Variants in MACROD2 observed in about 807,000 individuals in gnomAD.
The protein encoded by MACROD2 is mono-ADP ribosylhydrolase 2.
MACROD2 carries 36 observed loss-of-function variants against 70.4 expected under a neutral mutation model. The ratio of observed to expected loss-of-function variants is 0.51; its 90% confidence interval spans 0.39 to 0.68. The LOEUF (loss-of-function observed/expected upper bound fraction) is 0.68, where lower values mean the gene tolerates loss of function less well. Among genes scored for constraint, MACROD2 ranks in the 30% least tolerant of loss-of-function variants. MACROD2 has a pLI of 0.00. For missense variants in MACROD2, 496 were observed against 538.4 expected, an observed-to-expected ratio of 0.92 and a Z score of 0.78; for synonymous variants, 172 against 178.8, an observed-to-expected ratio of 0.96 and a Z score of 0.30.
intron 5 of MACROD2, among the ~76,000 whole-genome samples, chr20:15,060,743 A>G (rs1366586129): frequency 6.6e-6 from 1 of 152,230 alleles, no homozygotes; most frequent in Non-Finnish European, 1.5e-5. Context: ...GCTGCCATCA[A>G]AGTGTCTAGC....
intron 7 of MACROD2, among the ~76,000 whole-genome samples, chr20:15,484,008 G>C (rs1240388903): frequency 6.6e-6 from 1 of 150,940 alleles, no homozygotes; most frequent in Non-Finnish European, 1.5e-5. Context: ...TATGGATAAA[G>C]ACAATTTTAC....
rs6135366 is a variant in MACROD2, at chr20:15,222,816, T to C, written c.419-7124T>C. ...TTTGTTTTAAAATTCATTATGCTAA[T>C]ATTTTTTCACAGAATGTTTTTGCTG... On this transcript the variant is annotated intron_variant, in intron 5 of 17. Coordinates refer to ENST00000684519, the MANE Select transcript of MACROD2 (RefSeq NM_001351661.2). 8.6e-3 allele frequency among the ~76,000 whole-genome samples: 1,306 copies of C among 152,362 alleles called. 20 individuals are homozygous for C. Among genetic ancestry groups the C allele is most frequent in the East Asian group, 0.069 (360 of 5,186 alleles).
intron 3 of MACROD2, chr20:14,323,472 G>A (rs541626942): frequency 2.6e-5 from 4 of 152,042 alleles, no homozygotes; most frequent in Non-Finnish European, 5.9e-5. Flanking sequence ...TTGACCTTTT[G>A]TTTTTTTATG....
At chr20:14,753,867 A>G (rs1568776626) in intron 5 of MACROD2, among the ~76,000 whole-genome samples, 1 of 152,074 alleles carries the variant, frequency 6.6e-6, no homozygotes, top group South Asian at 2.1e-4. Flanking sequence ...ACAAATATAT[A>G]TATATATCCA....
chr20:15,854,534 A>G (rs1364607174), intron 8 of MACROD2, among the ~76,000 whole-genome samples: 1 of 152,286 alleles, frequency 6.6e-6, no homozygotes, highest in Non-Finnish European at 1.5e-5. Context: ...AAAGCAGAGG[A>G]CCCAACTAGG....
chr20:14,896,599 C>T (rs919875531), intron 5 of MACROD2, among the ~76,000 whole-genome samples: 14 of 151,528 alleles, frequency 9.2e-5, no homozygotes, highest in Admixed American at 2.6e-4. Context: ...CCTGAGGAAA[C>T]AGAGCCTAAG....
chr20:15,747,414 G>A (rs968797728), intron 8 of MACROD2, among the ~76,000 whole-genome samples: 13 of 152,158 alleles, frequency 8.5e-5, no homozygotes, highest in African/African-American at 9.6e-5. Context: ...AGGCTTGAAG[G>A]ATCACACATA....
At chr20:14,716,094 A>T (rs992274093) in intron 5 of MACROD2, among the ~76,000 whole-genome samples, 1 of 152,224 alleles carries the variant, frequency 6.6e-6, no homozygotes, top group African/African-American at 2.4e-5. Flanking sequence ...CTCTGTAATG[A>T]TATGAAGGCG....
intron 8 of MACROD2, among the ~76,000 whole-genome samples, chr20:15,531,988 A>G (rs1450918805): frequency 6.6e-6 from 1 of 152,188 alleles, no homozygotes; most frequent in African/African-American, 2.4e-5. Context: ...ATAAATCACT[A>G]TAACTAACAT....
chr20:14,075,397 G>A (rs192871801), intron 2 of MACROD2, among the ~76,000 whole-genome samples: 1 of 152,320 alleles, frequency 6.6e-6, no homozygotes, highest in East Asian at 1.9e-4. Context: ...AATACTATCT[G>A]CGGTTTCAGG....
rs1211049702 is a variant in MACROD2 at position 14,084,061 on chromosome 20, C to CAAAAAAAAAAAA, written c.164-1551_164-1550insAAAAAAAAAAAA. 5.0e-5 allele frequency among the ~76,000 whole-genome samples: 3 copies of CAAAAAAAAAAAA among 59,854 alleles called. 1 individual carries two copies. Among genetic ancestry groups the CAAAAAAAAAAAA allele is most frequent in the Non-Finnish European group, 8.3e-5 (3 of 35,970 alleles). 39.3% of individuals were successfully genotyped at this position (59,854 alleles called of 152,430 possible). A position where few individuals can be genotyped will look rare whatever the true frequency, so the allele number is the denominator to read the frequency against. On this transcript the variant is annotated intron_variant, in intron 2 of 17. Coordinates refer to ENST00000684519, the MANE Select transcript of MACROD2 (RefSeq NM_001351661.2). ...TGGGCGTCAGAGCGAGACTCCGTCT[C>CAAAAAAAAAAAA]AAAAAAAAACAAAAAACAAACAAAA...
chr20:15,893,131 A>G (rs4387866), intron 10 of MACROD2: 27,075 of 399,822 alleles, frequency 0.068, 1,317 homozygotes, highest in East Asian at 0.19. Flanking sequence ...AATATCACAG[A>G]GAAATTCTTT....
intron 16 of MACROD2, among the ~76,000 whole-genome samples, chr20:16,041,546 A>T (rs1344101089): frequency 6.6e-6 from 1 of 151,982 alleles, no homozygotes; most frequent in East Asian, 1.9e-4. Flanking sequence ...TACTTTCAAG[A>T]CTAAACTGAA....
intron 3 of MACROD2, among the ~76,000 whole-genome samples, chr20:14,425,021 T>G (rs909809349): frequency 1.3e-5 from 2 of 152,224 alleles, no homozygotes; most frequent in African/African-American, 2.4e-5. Context: ...TCCAACCATC[T>G]TTGAACACGC....
chr20:14,388,478 G>T (rs2122793917), intron 3 of MACROD2, among the ~76,000 whole-genome samples: 1 of 152,216 alleles, frequency 6.6e-6, no homozygotes, highest in South Asian at 2.1e-4. Context: ...TACTGATACT[G>T]TAAACAGTTG....
chr20:14,506,999 A>G (rs140988529), intron 4 of MACROD2, among the ~76,000 whole-genome samples: 8 of 152,274 alleles, frequency 5.3e-5, no homozygotes, highest in African/African-American at 1.7e-4. Context: ...GCGATACTAT[A>G]TCATTCAAAA....
intron 3 of MACROD2, among the ~76,000 whole-genome samples, chr20:14,320,763 A>G (rs2082652805): frequency 6.6e-6 from 1 of 151,258 alleles, no homozygotes; most frequent in African/African-American, 2.4e-5. Context: ...TCAGACCCCA[A>G]TAAAACCTCT....
At chr20:15,539,318 G>A (rs894012541) in intron 8 of MACROD2, among the ~76,000 whole-genome samples, 1 of 152,232 alleles carries the variant, frequency 6.6e-6, no homozygotes, top group African/African-American at 2.4e-5. Flanking sequence ...TGGGGCTTAA[G>A]CTGACTGTAG....
chr20:15,588,309 G>A (rs113012160), intron 8 of MACROD2, among the ~76,000 whole-genome samples: 1,814 of 152,252 alleles, frequency 0.012, 43 homozygotes, highest in African/African-American at 0.04. Context: ...CCTGGGCCCA[G>A]CCCACAAAAC....
Sources: gnomAD v4.1 joint callset for allele counts (sites outside exome capture counted in the v4.1 genomes callset) on GRCh38, gnomAD v4.1.1 for gene constraint, MANE v1.5 for transcripts, NCBI Gene and HGNC (gene_info 2026-07-23, HGNC 2026-07-21) for gene names.